Variants in ANGPT1 observed in about 807,000 individuals in gnomAD.
ANGPT1 encodes the protein angiopoietin 1.
ANGPT1 carries 17 observed loss-of-function variants against 62.2 expected under a neutral mutation model. The observed-to-expected ratio is 0.27, with a 90% CI of 0.19 to 0.41. The LOEUF is 0.41. Ranked by LOEUF, ANGPT1 falls within the 10% of genes least tolerant of loss-of-function variation. ANGPT1 has a pLI of 1.00. For missense variants in ANGPT1, 478 were observed against 594.9 expected, an observed-to-expected ratio of 0.80 and a Z score of 2.04; for synonymous variants, 199 against 198.9, an observed-to-expected ratio of 1.00 and a Z score of 0.00.
intron 1 of ANGPT1, among the ~76,000 whole-genome samples, chr8:107,444,283 G>C (rs1335836775): frequency 1.3e-5 from 2 of 152,118 alleles, no homozygotes; most frequent in Non-Finnish European, 2.9e-5. Flanking sequence ...AGGTTTTTAG[G>C]ATTAAATTGA....
chr8:107,410,423 A>G (rs1817244300), intron 1 of ANGPT1, among the ~76,000 whole-genome samples: 1 of 152,080 alleles, frequency 6.6e-6, no homozygotes, highest in Non-Finnish European at 1.5e-5. Context: ...ACAGGCCAAC[A>G]TGCTAAAAGG....
chr8:107,255,961 T>G (rs555517775), intron 8 of ANGPT1, among the ~76,000 whole-genome samples: 5 of 152,206 alleles, frequency 3.3e-5, no homozygotes, highest in African/African-American at 1.2e-4. Context: ...TAGAGAAATA[T>G]GAAAATAATT....
At chr8:107,456,438 G>A (rs1191541260) in intron 1 of ANGPT1, among the ~76,000 whole-genome samples, 2 of 151,994 alleles carry the variant, frequency 1.3e-5, no homozygotes, top group Non-Finnish European at 2.9e-5. Context: ...TAAGCGTTTT[G>A]ACTTATCTTT....
chr8:107,336,189 TGAA>T lies in ANGPT1; in HGVS notation c.533_535del (p.Leu178del). ...GATCTTCAAGATTTCATTTGTCTGT[TGAA>T]GAAGTTGCTTCTCTAGCTTGTAGGT... On this transcript the variant is annotated inframe_deletion, in exon 3 of 9. Coordinates refer to ENST00000517746, the MANE Select transcript of ANGPT1 (RefSeq NM_001146.5). 1 of 1,607,928 alleles carries T rather than the reference TGAA, an allele frequency of 6.2e-7. No homozygotes were observed. Among genetic ancestry groups the T allele is most frequent in the Non-Finnish European group, 8.5e-7 (1 of 1,178,372 alleles).
chr8:107,336,466 C>A, intron 2 of ANGPT1, 195 bp from the exon 3 acceptor site: 1 of 752,576 alleles, frequency 1.3e-6, no homozygotes, highest in Non-Finnish European at 1.8e-6. Flanking sequence ...GAGATCGAGA[C>A]CATCCTGGCA....
intron 4 of ANGPT1, among the ~76,000 whole-genome samples, chr8:107,311,389 G>A (rs1415676640): frequency 6.6e-6 from 1 of 151,372 alleles, no homozygotes; most frequent in Non-Finnish European, 1.5e-5. Context: ...AGAAAGGAGA[G>A]GATAAAAAAT....
intron 1 of ANGPT1, among the ~76,000 whole-genome samples, chr8:107,466,922 A>C (rs1475258661): frequency 6.6e-6 from 1 of 152,004 alleles, no homozygotes; most frequent in African/African-American, 2.4e-5. Flanking sequence ...AAAAATTATA[A>C]TCGAGAAATA....
At chr8:107,357,435 A>C (rs1021844532) in intron 1 of ANGPT1, among the ~76,000 whole-genome samples, 2 of 152,180 alleles carry the variant, frequency 1.3e-5, no homozygotes, top group South Asian at 2.1e-4. Context: ...TCTGAAATGC[A>C]ATTTAACCCC....
chr8:107,320,515 G>A (rs372942916), intron 4 of ANGPT1, among the ~76,000 whole-genome samples: 21 of 152,134 alleles, frequency 1.4e-4, no homozygotes, highest in Middle Eastern at 3.4e-3. Context: ...ATACTTAATC[G>A]TTAAATACTC....
chr8:107,389,654 A>G (rs1267245614), intron 1 of ANGPT1, among the ~76,000 whole-genome samples: 1 of 152,216 alleles, frequency 6.6e-6, no homozygotes, highest in African/African-American at 2.4e-5. Flanking sequence ...AGAGGATAAC[A>G]TATAACAAAA....
chr8:107,389,650 T>G (rs1199085898), intron 1 of ANGPT1, among the ~76,000 whole-genome samples: 1 of 152,180 alleles, frequency 6.6e-6, no homozygotes, highest in Non-Finnish European at 1.5e-5. Context: ...AAACAGAGGA[T>G]AACATATAAC....
intron 1 of ANGPT1, among the ~76,000 whole-genome samples, chr8:107,411,751 C>T (rs774946481): frequency 6.6e-6 from 1 of 152,124 alleles, no homozygotes; most frequent in Admixed American, 6.6e-5. Flanking sequence ...TGGCTCAGAT[C>T]ACTGGGAGTC....
chr8:107,325,533 A>C (rs970506636), intron 3 of ANGPT1, among the ~76,000 whole-genome samples: 15 of 152,312 alleles, frequency 9.8e-5, no homozygotes, highest in African/African-American at 3.6e-4. Context: ...TTGAAATAAG[A>C]TGGGCACTGG....
At chr8:107,343,105 G>A (rs1815730844) in intron 2 of ANGPT1, among the ~76,000 whole-genome samples, 1 of 151,076 alleles carries the variant, frequency 6.6e-6, no homozygotes, top group Admixed American at 6.6e-5. Flanking sequence ...CTAAAGTGCT[G>A]AGATTTTAGG....
chr8:107,318,267 T>C (rs111694844), intron 4 of ANGPT1, among the ~76,000 whole-genome samples: 3,005 of 152,326 alleles, frequency 0.02, 45 homozygotes, highest in Non-Finnish European at 0.029. Context: ...CATTATTGTC[T>C]ATTAGGAATA....
At chr8:107,367,267 A>AAT (rs1816294426) in intron 1 of ANGPT1, among the ~76,000 whole-genome samples, 1 of 152,182 alleles carries the variant, frequency 6.6e-6, no homozygotes, top group Non-Finnish European at 1.5e-5. Flanking sequence ...ACTGTGGTCT[A>AAT]TTAAGTGTGA....
chr8:107,442,645 C>T (rs550401002), intron 1 of ANGPT1, among the ~76,000 whole-genome samples: 12 of 152,308 alleles, frequency 7.9e-5, no homozygotes, highest in Admixed American at 2.6e-4. Flanking sequence ...ACCCTAACTC[C>T]GTATCTTCTA....
intron 4 of ANGPT1, among the ~76,000 whole-genome samples, chr8:107,309,037 T>C (rs1329376287): frequency 6.6e-6 from 1 of 152,134 alleles, no homozygotes; most frequent in Non-Finnish European, 1.5e-5. Flanking sequence ...GTGGAATTGG[T>C]AATTATTAGC....
intron 1 of ANGPT1, among the ~76,000 whole-genome samples, chr8:107,459,863 T>C (rs551856451): frequency 6.6e-6 from 1 of 152,244 alleles, no homozygotes; most frequent in Non-Finnish European, 1.5e-5. Flanking sequence ...TTAAATTGAC[T>C]CAAAAACTCA....
Sources: allele counts gnomAD v4.1 joint callset (sites outside exome capture counted in the v4.1 genomes callset), GRCh38; gene constraint gnomAD v4.1.1; transcripts MANE v1.5; gene names NCBI Gene and HGNC (gene_info 2026-07-23, HGNC 2026-07-21).